Variants in NUP155 observed in about 807,000 individuals in gnomAD.
NUP155 encodes the protein nucleoporin 155, also known as nuclear pore complex protein Nup155.
A neutral mutation model predicts 180.4 loss-of-function variants in NUP155; 71 were observed. That is an observed-to-expected ratio of 0.39 (90% CI 0.33 to 0.48). NUP155 has a LOEUF of 0.48. NUP155 is among the 20% of genes least tolerant of loss of function. NUP155 has a pLI of 0.91. For missense variants in NUP155, 1,553 were observed against 1,648.9 expected (o/e 0.94, Z 1.01); for synonymous variants, 582 against 559.5 (o/e 1.04, Z -0.57).
intron 23 of NUP155, among the ~76,000 whole-genome samples, chr5:37,309,800 A>G (rs746879842): frequency 1.1e-4 from 16 of 152,122 alleles, no homozygotes; most frequent in Admixed American, 2.0e-4. Flanking sequence ...CATGTCTATA[A>G]TCCCAACACT....
At chr5:37,351,980 T>C (rs1359992455) in intron 5 of NUP155, among the ~76,000 whole-genome samples, 1 of 151,382 alleles carries the variant, frequency 6.6e-6, no homozygotes, top group Non-Finnish European at 1.5e-5. Context: ...CCCAGCACTT[T>C]GGGAGGCCCA....
At chr5:37,364,113 CAT>C in intron 2 of NUP155, 129 bp from the exon 3 acceptor site, 1 of 1,072,866 alleles carries the variant, frequency 9.3e-7, no homozygotes, top group Non-Finnish European at 1.4e-6. Flanking sequence ...ACATGGAACC[CAT>C]ATACTTAAAC....
chr5:37,293,103 T>C (rs1227231727), intron 33 of NUP155, 118 bp from the exon 34 acceptor site: 4 of 708,552 alleles, frequency 5.6e-6, no homozygotes, highest in Non-Finnish European at 7.7e-6. Context: ...TAAAAAGCAT[T>C]TAATATCACA....
At chr5:37,369,586 AAT>A (rs1747829235) in intron 1 of NUP155, among the ~76,000 whole-genome samples, 1 of 150,990 alleles carries the variant, frequency 6.6e-6, no homozygotes, top group Non-Finnish European at 1.5e-5. Flanking sequence ...CAAAATGAGT[AAT>A]GTTGTTCAAG....
chr5:37,301,486 AC>A lies in NUP155; in HGVS notation c.3511del (p.Val1171TyrfsTer12). 6.2e-7 allele frequency: 1 copy of A among 1,613,950 alleles called. No homozygotes were observed. The highest frequency in any genetic ancestry group is 8.5e-7 in the Non-Finnish European group (1 of 1,179,838). ...LQRQYSHHSS[V>X]QDAVSQLDSE... ...ATCCAGCTGAGAAACTGCATCCTGT[AC>A]AGAAGAATGATGGGAATACTGCCTT... On this transcript the variant is annotated frameshift_variant, in exon 30 of 35. Transcript: ENST00000231498. LOFTEE classifies it high-confidence loss of function.
chr5:37,365,310 T>C (rs576386081), intron 1 of NUP155, among the ~76,000 whole-genome samples: 9 of 152,062 alleles, frequency 5.9e-5, no homozygotes, highest in African/African-American at 2.2e-4. Context: ...AATTGTATTG[T>C]TTGTAACACA....
rs34995492 is a variant in NUP155 at position 37,307,197 on chromosome 5, C to CA, written c.2903+99dup. 0.24 allele frequency: 216,856 copies of CA among 890,392 alleles called. 392 individuals are homozygous for CA. Among genetic ancestry groups the CA allele is most frequent in the Non-Finnish European group, 0.26 (166,633 of 641,470 alleles). The allele number at this position is 890,392 out of a possible 1,614,324, so 55.2% of individuals were successfully genotyped here. A position where few individuals can be genotyped will look rare whatever the true frequency, so the allele number is the denominator to read the frequency against. ...CAGGTGACAGAGCAAGACTCTGTCT[C>CA]AAAAAAAAAAAAAAAACATAAAACA... On this transcript the variant is annotated intron_variant, in intron 25 of 34. Coordinates refer to ENST00000231498, the MANE Select transcript of NUP155 (RefSeq NM_153485.3).
chr5:37,355,507 CAA>C (rs1198025476), intron 4 of NUP155, among the ~76,000 whole-genome samples: 2 of 126,660 alleles, frequency 1.6e-5, no homozygotes, highest in African/African-American at 2.9e-5. Flanking sequence ...GACACTGTTT[CAA>C]AAAAAAAAAA....
chr5:37,322,446 G>A (rs1026528598), intron 20 of NUP155, among the ~76,000 whole-genome samples: 9 of 152,114 alleles, frequency 5.9e-5, no homozygotes, highest in Non-Finnish European at 1.0e-4. Flanking sequence ...GGTGGCTCAC[G>A]CCTGTAATCT....
At position 37,292,017 on chromosome 5, in the gene NUP155, G is replaced by A. The variant is rs999866538; in HGVS notation, c.4059C>T (p.Cys1353=). ...CAAGGTAACCACAAACAGCATCCAG[G>A]CAGAGATTTGTAAATCTTCTCCTAC... ...NCERRRFTNL[C]LDAVCGYLVE... The change falls in exon 35 of 35, where the codon TGC becomes TGT. Residue 1353 remains cysteine (C), a synonymous_variant. Coordinates refer to ENST00000231498, the MANE Select transcript of NUP155 (RefSeq NM_153485.3). 23 of 1,613,938 alleles carry A rather than the reference G, an allele frequency of 1.4e-5. 1 individual carries two copies. Among genetic ancestry groups the A allele is most frequent in the Middle Eastern group, 1.6e-4 (1 of 6,084 alleles).
At chr5:37,340,298 G>A (rs1327761553) in intron 11 of NUP155, among the ~76,000 whole-genome samples, 1 of 151,960 alleles carries the variant, frequency 6.6e-6, no homozygotes. Context: ...AAAATTAGCC[G>A]GGTGTGGTGG....
chr5:37,304,844 CTAAAA>C lies in NUP155; in HGVS notation c.3058-6_3058-2del. ...GTGACAATTTAAGCATTTGTTCAAACTAAAATAAAGAAAATAGTAAAAATTAGCAG... is the reference window on the plus strand; with the variant it reads ...GTGACAATTTAAGCATTTGTTCAAACTAAAGAAAATAGTAAAAATTAGCAG... On this transcript the variant is annotated splice_acceptor_variant and splice_polypyrimidine_tract_variant and intron_variant, in intron 26 of 34. Coordinates refer to ENST00000231498, the MANE Select transcript of NUP155 (RefSeq NM_153485.3). LOFTEE classifies it high-confidence loss of function. The C allele has an allele frequency of 1.2e-6, 2 of 1,612,426 alleles. No homozygotes were observed. Among genetic ancestry groups the C allele is most frequent in the Non-Finnish European group, 1.7e-6 (2 of 1,178,600 alleles).
chr5:37,329,991 G>T, intron 15 of NUP155, 47 bp downstream of exon 15: 1 of 1,270,762 alleles, frequency 7.9e-7, no homozygotes, highest in Non-Finnish European at 1.1e-6. Context: ...TTTAAAAAGT[G>T]GCCCAGTAAA....
intron 26 of NUP155, 99 bp from the exon 27 acceptor site, chr5:37,304,942 C>G (rs1743069003): frequency 1.3e-6 from 2 of 1,511,040 alleles, no homozygotes; most frequent in Non-Finnish European, 1.8e-6. Context: ...ATCAAGAATC[C>G]TTACATGATA....
intron 22 of NUP155, among the ~76,000 whole-genome samples, chr5:37,311,527 A>C (rs1272632069): frequency 6.6e-6 from 1 of 152,140 alleles, no homozygotes. Context: ...AAAACCACCA[A>C]CAAAAGCCAC....
intron 33 of NUP155, 101 bp from the exon 34 acceptor site, chr5:37,293,086 T>C (rs1394922495): frequency 7.5e-6 from 6 of 803,386 alleles, no homozygotes; most frequent in African/African-American, 3.4e-5. Flanking sequence ...GCAAAACTTA[T>C]CGCTATTAAA....
chr5:37,317,901 TTAC>T (rs1581153291), intron 21 of NUP155, 84 bp downstream of exon 21: 2 of 821,204 alleles, frequency 2.4e-6, no homozygotes, highest in African/African-American at 1.7e-5. Flanking sequence ...AAAGTACATC[TTAC>T]TAAGAAAGTC....
chr5:37,323,920 G>T, intron 20 of NUP155, 72 bp downstream of exon 20: 1 of 1,034,678 alleles, frequency 9.7e-7, no homozygotes, highest in Non-Finnish European at 1.5e-6. Context: ...CAACTTTGTA[G>T]TATGTAAATC....
Position 37,329,345 on chromosome 5 carries a change from G to A in NUP155, c.1725-67C>T, listed in dbSNP as rs917019006. 5.5e-6 allele frequency: 7 copies of A among 1,274,278 alleles called. No individual in the cohort carries two copies. In the African/African-American group the frequency reaches 1.0e-4, roughly 19 times the overall value. The allele number at this position is 1,274,278 out of a possible 1,614,324, so 78.9% of individuals were successfully genotyped here. ...ACCATCCATCTTAAAAACTGGAATT[G>A]TTCCTTTTCCTGTTTAGCTTCCAAG... On this transcript the variant is annotated intron_variant, in intron 15 of 34. Transcript: ENST00000231498.
Sources: allele counts gnomAD v4.1 joint callset (sites outside exome capture counted in the v4.1 genomes callset), GRCh38; gene constraint gnomAD v4.1.1; transcripts MANE v1.5; gene names NCBI Gene and HGNC (gene_info 2026-07-23, HGNC 2026-07-21).